ZNF324B: variants seen among roughly 807,000 people sequenced by gnomAD.
The protein encoded by ZNF324B is zinc finger protein 324B.
In ZNF324B, 7 loss-of-function variants were observed where a neutral mutation model predicts 10.6. The observed-to-expected ratio is 0.66, with a 90% CI of 0.38 to 1.24. ZNF324B has a LOEUF of 1.24. Ranked by LOEUF, ZNF324B falls within the 50% of genes most tolerant of loss-of-function variation. ZNF324B has a pLI of 0.02. For missense variants in ZNF324B, 640 were observed against 764.7 expected, an observed-to-expected ratio of 0.84 and a Z score of 1.92; for synonymous variants, 316 against 321.0, an observed-to-expected ratio of 0.98 and a Z score of 0.17.
the ZNF324B span, among the ~76,000 whole-genome samples, chr19:58,422,328 G>T: frequency 6.6e-6 from 1 of 152,124 alleles, no homozygotes; most frequent in Non-Finnish European, 1.5e-5. Context: ...ATGGGGAAAG[G>T]CTGAAAGCTT....
At chr19:58,436,892 G>A in the ZNF324B span, 1 of 998,718 alleles carries the variant, frequency 1.0e-6, no homozygotes, top group Non-Finnish European at 1.6e-6. Flanking sequence ...GACAGGGGAA[G>A]TACACACAGC....
chr19:58,420,908 G>C, the ZNF324B span, among the ~76,000 whole-genome samples: 1 of 151,324 alleles, frequency 6.6e-6, no homozygotes, highest in South Asian at 2.1e-4. Flanking sequence ...GTTTCACCAT[G>C]CTGGCCAGGC....
the ZNF324B span, among the ~76,000 whole-genome samples, chr19:58,425,613 G>C: frequency 3.3e-5 from 5 of 151,684 alleles, no homozygotes; most frequent in Non-Finnish European, 7.4e-5. Flanking sequence ...TGGGATTACA[G>C]CCGCCACCAC....
Position 58,457,249 on chromosome 19 carries a change from G to T in ZNF324B, c.*670G>T. 1 of 152,970 alleles carries T rather than the reference G, an allele frequency of 6.5e-6. No individual in the cohort carries two copies. The highest frequency in any genetic ancestry group is 1.9e-4 in the East Asian group (1 of 5,194). 9.5% of individuals were successfully genotyped at this position (152,970 alleles called of 1,614,324 possible). On this transcript the variant is annotated 3_prime_UTR_variant, in exon 4 of 4. Coordinates refer to ENST00000336614, the MANE Select transcript of ZNF324B (RefSeq NM_207395.3). ...TGGGCTGTGCTCTGGTCAGCCAGGT[G>T]TGAGGGCCTGGCCTGGGGTCACACA... is the stretch of plus-strand genomic sequence containing the variant.
upstream of ZNF324B, chr19:58,451,457 G>A (rs139918175): frequency 4.7e-3 from 1,571 of 337,540 alleles, 54 homozygotes; most frequent in Admixed American, 0.043. Context: ...ATTTCCAGGC[G>A]CCCAGCGCGG....
chr19:58,446,189 A>T, the ZNF324B span, among the ~76,000 whole-genome samples: 1 of 152,232 alleles, frequency 6.6e-6, no homozygotes. Context: ...CTTCAGCCAC[A>T]GCTAAACCTT....
At chr19:58,451,059 G>A (rs1359083067), upstream of ZNF324B, among the ~76,000 whole-genome samples, 1 of 152,170 alleles carries the variant, frequency 6.6e-6, no homozygotes, top group East Asian at 1.9e-4. Flanking sequence ...AATGACAAGC[G>A]GGTAGTGTCA....
the ZNF324B span, chr19:58,432,310 G>A: frequency 1.9e-6 from 1 of 518,064 alleles, no homozygotes; most frequent in Non-Finnish European, 3.9e-6. Flanking sequence ...CTTTAACTGT[G>A]GCAAAAACTT....
the ZNF324B span, among the ~76,000 whole-genome samples, chr19:58,422,901 G>A: frequency 6.6e-6 from 1 of 152,144 alleles, no homozygotes; most frequent in African/African-American, 2.4e-5. Flanking sequence ...ACAGAGTCTC[G>A]CTCTGTTGCC....
At chr19:58,451,917 T>C (rs959304590) in intron 1 of ZNF324B, among the ~76,000 whole-genome samples, 8 of 152,138 alleles carry the variant, frequency 5.3e-5, no homozygotes, top group Non-Finnish European at 1.2e-4. Flanking sequence ...GGGATGGCGG[T>C]CCCGGGTGGT....
chr19:58,452,467 G>T (rs1254434563), intron 1 of ZNF324B: 1 of 152,292 alleles, frequency 6.6e-6, no homozygotes, highest in Non-Finnish European at 1.5e-5. Context: ...GACTGCCACA[G>T]TCTGGGCAGC....
the ZNF324B span, among the ~76,000 whole-genome samples, chr19:58,423,390 G>C: frequency 6.6e-6 from 1 of 152,168 alleles, no homozygotes; most frequent in African/African-American, 2.4e-5. Context: ...TCAAACTCCT[G>C]ACCTCGTGAT....
the ZNF324B span, among the ~76,000 whole-genome samples, chr19:58,427,449 T>C: frequency 0.052 from 2,829 of 54,176 alleles, 160 homozygotes; most frequent in Non-Finnish European, 0.059. Flanking sequence ...CTTCCTTTCC[T>C]TTCCCTTCCT....
the ZNF324B span, among the ~76,000 whole-genome samples, chr19:58,426,983 T>C: frequency 6.6e-6 from 1 of 152,342 alleles, no homozygotes; most frequent in Admixed American, 6.5e-5. Flanking sequence ...TGGAATATTC[T>C]GGCATTATTG....
chr19:58,445,095 T>A, the ZNF324B span: 1 of 270,562 alleles, frequency 3.7e-6, no homozygotes, highest in Non-Finnish European at 7.1e-6. Context: ...TTGAGGTTCA[T>A]ACATGTTATA....
the ZNF324B span, chr19:58,433,662 A>G: frequency 6.2e-7 from 1 of 1,614,112 alleles, no homozygotes; most frequent in Non-Finnish European, 8.5e-7. Context: ...GCTTTTCTCC[A>G]GTATGAACTT....
chr19:58,433,905 C>A, the ZNF324B span: 1 of 1,613,980 alleles, frequency 6.2e-7, no homozygotes, highest in Non-Finnish European at 8.5e-7. Context: ...ACTCATAAGG[C>A]CTTTGCCCAG....
the ZNF324B span, chr19:58,437,849 C>G: frequency 1.1e-6 from 1 of 950,196 alleles, no homozygotes; most frequent in Non-Finnish European, 1.3e-6. Flanking sequence ...GTTCCTTCAA[C>G]CATCAGCTGC....
chr19:58,426,481 C>A, the ZNF324B span, among the ~76,000 whole-genome samples: 1 of 152,188 alleles, frequency 6.6e-6, no homozygotes, highest in South Asian at 2.1e-4. Context: ...GAGTCTGTGC[C>A]CCAGATCGCA....
Sources: allele counts gnomAD v4.1 joint callset (sites outside exome capture counted in the v4.1 genomes callset), GRCh38; gene constraint gnomAD v4.1.1; transcripts MANE v1.5; gene names NCBI Gene and HGNC (gene_info 2026-07-23, HGNC 2026-07-21).